The following MYRFL variants were observed in gnomAD, a reference collection of about 807,000 sequenced individuals.
MYRFL encodes the protein myelin regulatory factor-like protein.
In MYRFL, 88 loss-of-function variants were observed where a neutral mutation model predicts 109.4. That is an observed-to-expected ratio of 0.80 (90% CI 0.68 to 0.96). MYRFL has a LOEUF of 0.96. MYRFL is among the 40% of genes least tolerant of loss of function. The probability of loss-of-function intolerance (pLI) is 0.00; values close to 1 mark genes in which losing one functional copy is unlikely to be tolerated. For missense variants in MYRFL, 957 were observed against 954.9 expected (o/e 1.00, Z -0.03); for synonymous variants, 324 against 320.9 (o/e 1.01, Z -0.10).
intron 13 of MYRFL, among the ~76,000 whole-genome samples, chr12:69,924,267 A>G (rs547597958): frequency 6.6e-6 from 1 of 152,018 alleles, no homozygotes; most frequent in African/African-American, 2.4e-5. Context: ...GGATACATTC[A>G]GAGAATCTGG....
rs939142125 is a variant in MYRFL, at chr12:69,880,217, A to G, written c.481A>G (p.Thr161Ala). 8 of 702,568 alleles carry G rather than the reference A, an allele frequency of 1.1e-5. No homozygotes were observed. The highest frequency in any genetic ancestry group is 7.0e-5 in the African/African-American group (4 of 57,244). 43.5% of individuals were successfully genotyped at this position (702,568 alleles called of 1,614,324 possible). A position where few individuals can be genotyped will look rare whatever the true frequency, so the allele number is the denominator to read the frequency against. The change falls in exon 5 of 25, where the codon ACC becomes GCC. Residue 161 changes from threonine (T) to alanine (A), a missense_variant. Physicochemically the swap from Thr to Ala is moderately conservative, Grantham distance 58 (BLOSUM62 0). Transcript: ENST00000552032. ...TGATTTTAGAGCCTCATTGCCTCCA[A>G]CCAAGAAGAGAAAGTGCACGCAGGC... ...CHSPGASLPP[T>A]KKRKCTQALE...
At chr12:69,889,688 T>A (rs561586207) in intron 6 of MYRFL, among the ~76,000 whole-genome samples, 38 of 152,114 alleles carry the variant, frequency 2.5e-4, no homozygotes, top group African/African-American at 8.7e-4. Flanking sequence ...ACCCCATCTT[T>A]ACTAAAAAAA....
At chr12:69,938,034 A>G (rs1261651634) in intron 19 of MYRFL, among the ~76,000 whole-genome samples, 2 of 152,234 alleles carry the variant, frequency 1.3e-5, no homozygotes, top group African/African-American at 4.8e-5. Context: ...TCACTACAGC[A>G]ATAGGAGACA....
At chr12:69,864,383 A>G (rs537618633) in intron 2 of MYRFL, among the ~76,000 whole-genome samples, 11 of 151,098 alleles carry the variant, frequency 7.3e-5, no homozygotes, top group African/African-American at 2.4e-4. Context: ...ATTTCTATTG[A>G]TTTGACTTTA....
chr12:69,850,330 T>G (rs1458956102), intron 1 of MYRFL, among the ~76,000 whole-genome samples: 2 of 151,972 alleles, frequency 1.3e-5, no homozygotes, highest in Admixed American at 1.3e-4. Context: ...TTATAAGAAA[T>G]GATCTTATAT....
intron 13 of MYRFL, among the ~76,000 whole-genome samples, chr12:69,911,714 G>T (rs948279016): frequency 2.0e-5 from 3 of 152,194 alleles, no homozygotes; most frequent in Non-Finnish European, 2.9e-5. Flanking sequence ...GTTTGCAAAT[G>T]CACTCTGATG....
intron 1 of MYRFL, among the ~76,000 whole-genome samples, chr12:69,842,378 T>G (rs1883294362): frequency 6.6e-6 from 1 of 152,240 alleles, no homozygotes; most frequent in African/African-American, 2.4e-5. Flanking sequence ...CATAATTACA[T>G]TTATTCATTC....
chr12:69,873,310 G>GGCT (rs1005738234), intron 2 of MYRFL, among the ~76,000 whole-genome samples: 1 of 152,080 alleles, frequency 6.6e-6, no homozygotes, highest in Admixed American at 6.5e-5. Context: ...ATTTGTGTTG[G>GGCT]GCTGCATCCG....
intron 2 of MYRFL, among the ~76,000 whole-genome samples, chr12:69,861,210 A>G (rs868166958): frequency 1.3e-3 from 204 of 151,144 alleles, no homozygotes; most frequent in African/African-American, 3.7e-3. Flanking sequence ...ATAAACATAC[A>G]TGTGCATGTG....
chr12:69,895,551 GC>G lies in MYRFL; in HGVS notation c.1091+74del. The G allele has an allele frequency of 3.1e-6, 4 of 1,297,606 alleles. No homozygotes were observed. The South Asian group carries it at 5.1e-5, about 17-fold the overall frequency. The allele number at this position is 1,297,606 out of a possible 1,614,324, so 80.4% of individuals were successfully genotyped here. A position where few individuals can be genotyped will look rare whatever the true frequency, so the allele number is the denominator to read the frequency against. On this transcript the variant is annotated intron_variant, in intron 9 of 24. Transcript: ENST00000552032. ...TCTGGCCAGGAAGTGCCCTCCTGGG[GC>G]CCCTCTGATCTTCCTGGTGCTACCA...
intron 16 of MYRFL, among the ~76,000 whole-genome samples, chr12:69,933,529 C>T (rs1955337543): frequency 6.6e-6 from 1 of 152,168 alleles, no homozygotes; most frequent in South Asian, 2.1e-4. Context: ...CAAGGTGCTT[C>T]CAGTTCCTTG....
At chr12:69,925,781 T>TA (rs34946054) in intron 13 of MYRFL, among the ~76,000 whole-genome samples, 108,666 of 151,984 alleles carry the variant, frequency 0.71, 39,519 homozygotes, top group East Asian at 0.99. Context: ...ATATGTGCTT[T>TA]AAAAAAATTG....
At chr12:69,948,820 T>C (rs1421662906) in intron 19 of MYRFL, among the ~76,000 whole-genome samples, 1 of 152,242 alleles carries the variant, frequency 6.6e-6, no homozygotes, top group Non-Finnish European at 1.5e-5. Flanking sequence ...AGTTCTGTCT[T>C]GCTTCCTTTT....
At chr12:69,884,665 T>A (rs1448884241) in intron 5 of MYRFL, among the ~76,000 whole-genome samples, 1 of 152,228 alleles carries the variant, frequency 6.6e-6, no homozygotes, top group Non-Finnish European at 1.5e-5. Flanking sequence ...AGAGCTACCA[T>A]GGAGGCCAAC....
chr12:69,878,897 C>G (rs1244691017), intron 2 of MYRFL, 131 bp from the exon 3 acceptor site: 3 of 660,722 alleles, frequency 4.5e-6, no homozygotes, highest in Non-Finnish European at 8.3e-6. Context: ...TCCCAAACCC[C>G]TCACCCCCCC....
At chr12:69,869,466 G>C (rs191840073) in intron 2 of MYRFL, among the ~76,000 whole-genome samples, 4 of 152,174 alleles carry the variant, frequency 2.6e-5, no homozygotes, top group Admixed American at 6.5e-5. Flanking sequence ...ACAAATAAGA[G>C]TAAGGCAAGG....
intron 21 of MYRFL, 45 bp downstream of exon 21, chr12:69,952,931 C>T (rs186796930): frequency 6.6e-5 from 91 of 1,371,628 alleles, no homozygotes; most frequent in Non-Finnish European, 8.5e-5. Context: ...CTGGAATTTA[C>T]CCATGGCTCT....
At chr12:69,915,534 G>A (rs1954703932) in intron 13 of MYRFL, among the ~76,000 whole-genome samples, 1 of 152,192 alleles carries the variant, frequency 6.6e-6, no homozygotes, top group African/African-American at 2.4e-5. Context: ...GTCTATGCAA[G>A]CAACCAAAGG....
chr12:69,858,936 T>C (rs1389699435), intron 2 of MYRFL, among the ~76,000 whole-genome samples: 2 of 151,966 alleles, frequency 1.3e-5, no homozygotes, highest in African/African-American at 4.8e-5. Flanking sequence ...AGTGAGTTTG[T>C]GATTTGAGGT....
Sources: allele counts gnomAD v4.1 joint callset (sites outside exome capture counted in the v4.1 genomes callset), GRCh38; gene constraint gnomAD v4.1.1; transcripts MANE v1.5; gene names NCBI Gene and HGNC (gene_info 2026-07-23, HGNC 2026-07-21).